RMND1: variants seen among roughly 807,000 people sequenced by gnomAD.
RMND1 encodes the protein required for meiotic nuclear division protein 1 homolog.
A neutral mutation model predicts 54.0 loss-of-function variants in RMND1; 41 were observed. The ratio of observed to expected loss-of-function variants is 0.76; its 90% CI spans 0.59 to 0.98. The LOEUF (loss-of-function observed/expected upper bound fraction) is 0.98, where lower values mean the gene tolerates loss of function less well. Among genes scored for constraint, RMND1 ranks in the 50% least tolerant of loss-of-function variants. The probability of loss-of-function intolerance (pLI) is 0.00; values close to 1 mark genes in which losing one functional copy is unlikely to be tolerated. For synonymous variants in RMND1, 183 were observed against 181.7 expected, an observed-to-expected ratio of 1.01 and a Z score of -0.06; for missense variants, 457 against 532.0, an observed-to-expected ratio of 0.86 and a Z score of 1.39.
chr6:151,410,297 C>A (rs113467109), intron 10 of RMND1, among the ~76,000 whole-genome samples: 3 of 152,074 alleles, frequency 2.0e-5, no homozygotes, highest in Non-Finnish European at 4.4e-5. Context: ...CCTTGTGATC[C>A]GCCCTCCTTG....
At chr6:151,450,561 C>T (rs1487922076) in intron 1 of RMND1, among the ~76,000 whole-genome samples, 2 of 149,024 alleles carry the variant, frequency 1.3e-5, no homozygotes, top group Admixed American at 6.6e-5. Flanking sequence ...GCCAGCCGCC[C>T]CGTCCGGGAG....
chr6:151,409,200 G>A (rs758683104), intron 10 of RMND1, among the ~76,000 whole-genome samples: 6 of 152,188 alleles, frequency 3.9e-5, no homozygotes, highest in African/African-American at 7.2e-5. Context: ...GGGCTGTGTG[G>A]ATGAACATTA....
chr6:151,405,398 A>G (rs1263719375), intron 11 of RMND1, 131 bp from the exon 12 acceptor site: 2 of 808,650 alleles, frequency 2.5e-6, no homozygotes, highest in African/African-American at 1.7e-5. Context: ...TCACGTGGCA[A>G]CCTATGAATT....
Position 151,451,715 on chromosome 6 carries a change from C to T in RMND1, c.-15+301G>A, listed in dbSNP as rs146227145. Among the ~76,000 whole-genome samples the T allele has an allele frequency of 2.2e-3, 340 of 152,320 alleles. 2 individuals carry two copies. Among genetic ancestry groups the T allele is most frequent in the African/African-American group, 7.9e-3 (327 of 41,578 alleles). On this transcript the variant is annotated intron_variant, in intron 1 of 11. Transcript: ENST00000444024. ...CACCAATTAAGAAAATCGATTACAG[C>T]TAGGCTACGATTCGAGAGCTAAGTG...
Position 151,436,574 on chromosome 6 carries a change from A to G in RMND1, c.505-20T>C, listed in dbSNP as rs1221575236. On this transcript the variant is annotated intron_variant, in intron 2 of 11. Transcript: ENST00000444024. ...TAGGTCCTGTTCCAGGGAAATGAGC[A>G]TAACATGGGTTACCAAGAGGCTGAA... 3 of 1,611,876 alleles carry G rather than the reference A, an allele frequency of 1.9e-6. No individual in the cohort carries two copies. The highest frequency in any genetic ancestry group is 1.1e-5 in the South Asian group (1 of 91,016).
In RMND1 at chr6:151,407,964, T is replaced by G. The variant is rs575308755; in HGVS notation, c.1201-2128A>C. Among the ~76,000 whole-genome samples the G allele has an allele frequency of 2.0e-5, 3 of 152,082 alleles. No individual in the cohort carries two copies. In the East Asian group the frequency reaches 5.8e-4, roughly 29 times the overall value. ...AGCATGCTTTCTATTTATTTAGGTA[T>G]AGAGGCATGTACGCGTCGAGCATGC... is the stretch of plus-strand genomic sequence containing the variant. On this transcript the variant is annotated intron_variant, in intron 10 of 11. Coordinates refer to ENST00000444024, the MANE Select transcript of RMND1 (RefSeq NM_017909.4).
At chr6:151,450,594 C>CCCG (rs1781136782) in intron 1 of RMND1, among the ~76,000 whole-genome samples, 1 of 149,682 alleles carries the variant, frequency 6.7e-6, no homozygotes. Context: ...GTCAGCCCCC[C>CCCG]GCCCGGCCAG....
At chr6:151,412,213 G>A (rs1049095336) in intron 10 of RMND1, among the ~76,000 whole-genome samples, 9 of 152,162 alleles carry the variant, frequency 5.9e-5, no homozygotes, top group Admixed American at 5.2e-4. Flanking sequence ...TGTTAGCCAC[G>A]CTGGCCTTGA....
intron 2 of RMND1, among the ~76,000 whole-genome samples, chr6:151,441,876 A>G (rs984877957): frequency 4.6e-5 from 7 of 152,184 alleles, no homozygotes; most frequent in African/African-American, 1.7e-4. Context: ...AAATAATCAA[A>G]CCTGAAGAGG....
chr6:151,442,942 G>T (rs1288760936), intron 2 of RMND1, among the ~76,000 whole-genome samples: 1 of 152,136 alleles, frequency 6.6e-6, no homozygotes, highest in East Asian at 1.9e-4. Context: ...CAGACAGGGT[G>T]ACTGAAACCT....
rs1166490253 is a variant in RMND1 at position 151,404,992 on chromosome 6, CTGAGT to C, written c.*238_*242del. 1 of 409,478 alleles carries C rather than the reference CTGAGT, an allele frequency of 2.4e-6. No individual in the cohort carries two copies. Among genetic ancestry groups the C allele is most frequent in the Non-Finnish European group, 4.4e-6 (1 of 229,020 alleles). The allele number at this position is 409,478 out of a possible 1,614,324, so 25.4% of individuals were successfully genotyped here. A position where few individuals can be genotyped will look rare whatever the true frequency, so the allele number is the denominator to read the frequency against. On this transcript the variant is annotated 3_prime_UTR_variant, in exon 12 of 12. Transcript: ENST00000444024. ...CAAGAGATTCTCCTGCCTCAGCCTC[CTGAGT>C]AGCTGAGATGACGGGCGTGTGCCAA...
Position 151,417,337 on chromosome 6 carries a change from T to C in RMND1, c.1142A>G (p.Asn381Ser), listed in dbSNP as rs1429596896. 1 of 1,613,692 alleles carries C rather than the reference T, an allele frequency of 6.2e-7. No homozygotes were observed. The highest frequency in any genetic ancestry group is 1.3e-5 in the African/African-American group (1 of 74,920). ...CGTTTTATCGTAAAGTCCTTCCAGG[T>C]TTTCTCTGTCCCAGTAGAAATCAGG... is the stretch of plus-strand genomic sequence containing the variant. ...ITPDFYWDRE[N>S]LEGLYDKTCQ... The change falls in exon 10 of 12, where the codon AAC (asparagine) becomes AGC (serine). Residue 381 changes from asparagine (N) to serine (S), a missense_variant. Physicochemically the swap from Asn to Ser is conservative, Grantham distance 46. Transcript: ENST00000444024.
At chr6:151,429,997 C>A in intron 5 of RMND1, 141 bp downstream of exon 5, 1 of 586,158 alleles carries the variant, frequency 1.7e-6, no homozygotes, top group Non-Finnish European at 3.1e-6. Context: ...GAAGATGAAA[C>A]TGATAAGTAT....
At chr6:151,440,247 C>T (rs1780737659) in intron 2 of RMND1, among the ~76,000 whole-genome samples, 1 of 152,218 alleles carries the variant, frequency 6.6e-6, no homozygotes, top group Non-Finnish European at 1.5e-5. Context: ...AGCCACCATG[C>T]CCAGCCAGGC....
chr6:151,409,908 C>T (rs1562782340), intron 10 of RMND1, among the ~76,000 whole-genome samples: 1 of 152,200 alleles, frequency 6.6e-6, no homozygotes, highest in Non-Finnish European at 1.5e-5. Flanking sequence ...CAACTAGTTT[C>T]TGTCCCATGA....
chr6:151,406,563 G>T (rs1166072981), intron 10 of RMND1, among the ~76,000 whole-genome samples: 1 of 152,046 alleles, frequency 6.6e-6, no homozygotes, highest in African/African-American at 2.4e-5. Flanking sequence ...TGTTAGCCAG[G>T]ATGGTCTCGA....
intron 9 of RMND1, chr6:151,418,656 G>C (rs866426597): frequency 5.9e-5 from 9 of 152,064 alleles, no homozygotes; most frequent in African/African-American, 2.2e-4. Context: ...TTCCCTATCA[G>C]TAATCCCTTC....
intron 11 of RMND1, 39 bp downstream of exon 11, chr6:151,405,681 G>A: frequency 1.0e-6 from 1 of 993,760 alleles, no homozygotes; most frequent in Non-Finnish European, 1.6e-6. Flanking sequence ...TTTGTGAAAA[G>A]ATGGTAACTG....
intron 6 of RMND1, among the ~76,000 whole-genome samples, chr6:151,425,549 A>G (rs1171349782): frequency 1.3e-5 from 2 of 152,128 alleles, no homozygotes; most frequent in East Asian, 3.9e-4. Flanking sequence ...ATGTAAACCT[A>G]ATAGAACACA....
Sources: gnomAD v4.1 joint callset for allele counts (sites outside exome capture counted in the v4.1 genomes callset) on GRCh38, gnomAD v4.1.1 for gene constraint, MANE v1.5 for transcripts, NCBI Gene and HGNC (gene_info 2026-07-23, HGNC 2026-07-21) for gene names.